Variants in RAB11B observed in about 807,000 individuals in gnomAD.
RAB11B encodes the protein ras-related protein Rab-11B.
RAB11B carries 7 observed loss-of-function variants against 23.7 expected under a neutral mutation model. The observed-to-expected ratio is 0.29, with a 90% CI of 0.17 to 0.55. The LOEUF (loss-of-function observed/expected upper bound fraction) is 0.55. Ranked by LOEUF, RAB11B falls within the 20% of genes least tolerant of loss-of-function variation. The pLI is 0.93. For synonymous variants in RAB11B, 138 were observed against 132.0 expected (o/e 1.05, Z -0.31); for missense variants, 189 against 320.0 (o/e 0.59, Z 3.12).
intron 3 of RAB11B, 74 bp downstream of exon 3, chr19:8,402,353 G>T: frequency 6.6e-7 from 1 of 1,525,994 alleles, no homozygotes; most frequent in South Asian, 1.2e-5. Context: ...TGGGGCCCTG[G>T]CCACAGCCCT....
chr19:8,399,830 T>C (rs767033113), intron 1 of RAB11B, 33 bp from the exon 2 acceptor site: 5 of 1,601,940 alleles, frequency 3.1e-6, no homozygotes, highest in South Asian at 2.2e-5. Flanking sequence ...GGGTGGAGTG[T>C]GGGGATTCAC....
At chr19:8,402,454 C>G (rs1471575727) in intron 3 of RAB11B, 31 bp from the exon 4 acceptor site, 3 of 1,600,546 alleles carry the variant, frequency 1.9e-6, no homozygotes, top group Non-Finnish European at 2.6e-6. Flanking sequence ...CCCTGCCTCC[C>G]CACTCACCTA....
At chr19:8,401,531 C>T (rs1258446949) in intron 2 of RAB11B, among the ~76,000 whole-genome samples, 2 of 151,648 alleles carry the variant, frequency 1.3e-5, no homozygotes, top group South Asian at 2.1e-4. Flanking sequence ...GGATTACAGG[C>T]GCCTGCCACC....
At chr19:8,390,564 G>C (rs1599683118) in intron 1 of RAB11B, 108 bp downstream of exon 1, 1 of 1,198,000 alleles carries the variant, frequency 8.3e-7, no homozygotes, top group South Asian at 3.2e-5. Flanking sequence ...CCCGGGGCTT[G>C]GGGCCCGGCG....
intron 1 of RAB11B, among the ~76,000 whole-genome samples, chr19:8,393,494 C>A (rs1296970963): frequency 6.6e-6 from 1 of 152,218 alleles, no homozygotes; most frequent in Non-Finnish European, 1.5e-5. Flanking sequence ...TGGTGCTTCC[C>A]TTTCTGTGCT....
intron 1 of RAB11B, among the ~76,000 whole-genome samples, chr19:8,395,007 G>A (rs1026887375): frequency 6.6e-6 from 1 of 152,284 alleles, no homozygotes; most frequent in Non-Finnish European, 1.5e-5. Context: ...CTGGAATGGT[G>A]TGAAGGTGTC....
intron 1 of RAB11B, among the ~76,000 whole-genome samples, chr19:8,395,852 G>C (rs1055627558): frequency 6.6e-6 from 1 of 152,228 alleles, no homozygotes; most frequent in Non-Finnish European, 1.5e-5. Context: ...GGGTAGGACA[G>C]TGAGTGTGGC....
intron 1 of RAB11B, 104 bp from the exon 2 acceptor site, chr19:8,399,759 G>C: frequency 1.5e-6 from 2 of 1,331,918 alleles, no homozygotes; most frequent in Non-Finnish European, 2.1e-6. Context: ...CCTCCACACC[G>C]TTGGCAGCCG....
chr19:8,402,596 G>A (rs1403133548), intron 4 of RAB11B, 31 bp downstream of exon 4: 3 of 1,533,192 alleles, frequency 2.0e-6, no homozygotes, highest in Non-Finnish European at 2.7e-6. Context: ...TGTGGGTAGG[G>A]CACCAGCCAG....
intron 2 of RAB11B, among the ~76,000 whole-genome samples, chr19:8,401,379 CTATT>C (rs1033206599): frequency 2.7e-5 from 4 of 150,732 alleles, no homozygotes; most frequent in Non-Finnish European, 5.9e-5. Flanking sequence ...CCTGCCTGGC[CTATT>C]TATTTATTTT....
In RAB11B at chr19:8,396,742, C is replaced by A. The variant is rs1356209837; in HGVS notation, c.41-3121C>A. Among the ~76,000 whole-genome samples the A allele has an allele frequency of 1.7e-5, 2 of 118,236 alleles. No homozygotes were observed. Among genetic ancestry groups the A allele is most frequent in the African/African-American group, 6.8e-5 (2 of 29,380 alleles). 77.6% of individuals were successfully genotyped at this position (118,236 alleles called of 152,430 possible). A position where few individuals can be genotyped will look rare whatever the true frequency, so the allele number is the denominator to read the frequency against. On this transcript the variant is annotated intron_variant, in intron 1 of 4. Coordinates refer to ENST00000328024, the MANE Select transcript of RAB11B (RefSeq NM_004218.4). The surrounding 1 kb of genome is among the most constrained non-coding windows in gnomAD (Gnocchi z 5.0). Reference sequence around the variant, plus strand: ...GGGCGGGAGGGAGGAGGGGAGGGCCCTGTGGGCAGCGGGGAGGACTGTGGC... The same window carrying A: ...GGGCGGGAGGGAGGAGGGGAGGGCCATGTGGGCAGCGGGGAGGACTGTGGC...
Position 8,396,709 on chromosome 19 carries a change from C to CGGGG in RAB11B, c.41-3147_41-3144dup, listed in dbSNP as rs59325272. The stretch of plus-strand genomic sequence containing the variant: ...CCTGTGTGGCTGGAGCAGAGTGAGC[C>CGGGG]GGGGGGGGGGCGGGAGGGAGGAGGG... On this transcript the variant is annotated intron_variant, in intron 1 of 4. Transcript: ENST00000328024. The surrounding 1 kb of genome is among the most constrained non-coding windows in gnomAD (Gnocchi z 5.0). Among the ~76,000 whole-genome samples, 1 of 30,288 alleles carries CGGGG rather than the reference C, an allele frequency of 3.3e-5. No individual in the cohort carries two copies. The highest frequency in any genetic ancestry group is 1.2e-4 in the African/African-American group (1 of 8,664). 19.9% of individuals were successfully genotyped at this position (30,288 alleles called of 152,430 possible). A position where few individuals can be genotyped will look rare whatever the true frequency, so the allele number is the denominator to read the frequency against.
chr19:8,394,805 C>T (rs899710267), intron 1 of RAB11B, among the ~76,000 whole-genome samples: 20 of 152,206 alleles, frequency 1.3e-4, no homozygotes, highest in African/African-American at 4.1e-4. Context: ...TGGTGCACGC[C>T]TATAATCCCG....
chr19:8,394,884 TGTGTCA>T (rs1971384491), intron 1 of RAB11B, among the ~76,000 whole-genome samples: 1 of 152,150 alleles, frequency 6.6e-6, no homozygotes, highest in Non-Finnish European at 1.5e-5. Flanking sequence ...GAGCTGAGAT[TGTGTCA>T]GTGCACTCCA....
At chr19:8,402,665 C>CTTTTTGTTTTTTTCT (rs746225529) in intron 4 of RAB11B, 100 bp downstream of exon 4, 47 of 1,001,956 alleles carry the variant, frequency 4.7e-5, no homozygotes, top group Admixed American at 9.2e-5. Flanking sequence ...TTGTTTTTTT[C>CTTTTTGTTTTTTTCT]TTTTTTTTGT....
chr19:8,402,075 T>C lies in RAB11B; in HGVS notation c.237-11T>C, dbSNP rs1443298938. On this transcript the variant is annotated splice_polypyrimidine_tract_variant and intron_variant, in intron 2 of 4. Transcript: ENST00000328024. ...TCCTCCAGAGAGGCTCATGGGCCCCTGACCCTGCAGGTACTACCGTGGTGC... is the reference window on the plus strand; with the variant it reads ...TCCTCCAGAGAGGCTCATGGGCCCCCGACCCTGCAGGTACTACCGTGGTGC... The C allele has an allele frequency of 6.4e-7, 1 of 1,573,892 alleles. No individual in the cohort carries two copies. The highest frequency in any genetic ancestry group is 1.8e-5 in the Admixed American group (1 of 54,670).
chr19:8,402,708 G>C (rs1971448590), intron 4 of RAB11B, 143 bp downstream of exon 4: 4 of 673,990 alleles, frequency 5.9e-6, no homozygotes, highest in South Asian at 5.7e-5. Context: ...CTTTGCCCAG[G>C]CTGGAGTGTG....
intron 2 of RAB11B, among the ~76,000 whole-genome samples, chr19:8,400,906 GAGAC>G (rs771501599): frequency 8.9e-5 from 13 of 146,058 alleles, no homozygotes; most frequent in Non-Finnish European, 1.5e-4. Flanking sequence ...CTCTTTTTTG[GAGAC>G]AGACAGGGTC....
chr19:8,391,499 T>G (rs555912727), intron 1 of RAB11B, among the ~76,000 whole-genome samples: 1 of 152,342 alleles, frequency 6.6e-6, no homozygotes, highest in Admixed American at 6.5e-5. Flanking sequence ...ATTGCCCATT[T>G]AGGGACAGCT....
Sources: gnomAD v4.1 joint callset for allele counts (sites outside exome capture counted in the v4.1 genomes callset) on GRCh38, gnomAD v4.1.1 for gene constraint, Gnocchi (gnomAD v3.1) non-coding constraint, MANE v1.5 for transcripts, NCBI Gene and HGNC (gene_info 2026-07-23, HGNC 2026-07-21) for gene names.